LARS1: variants seen among roughly 807,000 people sequenced by gnomAD.
The protein encoded by LARS1 is leucine--tRNA ligase, cytoplasmic.
A neutral mutation model predicts 162.8 loss-of-function variants in LARS1; 100 were observed. The ratio of observed to expected loss-of-function variants is 0.61; its 90% CI spans 0.52 to 0.73. LARS1 has a LOEUF of 0.73. Among genes scored for constraint, LARS1 ranks in the 30% least tolerant of loss-of-function variants. The pLI is 0.00. For synonymous variants in LARS1, 457 were observed against 462.8 expected (o/e 0.99, Z 0.16); for missense variants, 1,258 against 1,408.9 (o/e 0.89, Z 1.71).
Position 146,130,117 on chromosome 5 carries a change from C to T in LARS1, c.2529G>A (p.Met843Ile). Residue 843 changes from methionine to isoleucine, a missense_variant, in exon 25 of 32, where the codon ATG (methionine) becomes ATA (isoleucine). Coordinates refer to ENST00000394434, the MANE Select transcript of LARS1 (RefSeq NM_020117.11). ...DKYRELAVEGMHRELVFRFIE... is the reference protein window; with the variant it reads ...DKYRELAVEGIHRELVFRFIE... ...TAAACCGGAACACAAGTTCTCTGTG[C>T]ATCCCTTCCACAGCCAATTCACGGT... 1 of 1,613,822 alleles carries T rather than the reference C, an allele frequency of 6.2e-7. No homozygotes were observed.
At position 146,122,607 on chromosome 5, in the gene LARS1, T is replaced by C; in HGVS notation, c.3097-20A>G. The C allele has an allele frequency of 7.0e-7, 1 of 1,421,352 alleles. No homozygotes were observed. The highest frequency in any genetic ancestry group is 1.8e-4 in the Middle Eastern group (1 of 5,668). 88.0% of individuals were successfully genotyped at this position (1,421,352 alleles called of 1,614,324 possible). On this transcript the variant is annotated intron_variant, in intron 29 of 31. Transcript: ENST00000394434. ...TTCTAGCTAAACAGACGGGAAAAAA[T>C]GGAAGTTATTAGTATCACTTAATGT...
chr5:146,168,941 G>C (rs921448551), intron 4 of LARS1, among the ~76,000 whole-genome samples: 5 of 151,982 alleles, frequency 3.3e-5, no homozygotes, highest in Admixed American at 2.0e-4. Flanking sequence ...GGGAGGGATA[G>C]CATTAGGAGA....
intron 13 of LARS1, 47 bp from the exon 14 acceptor site, chr5:146,152,049 C>CAG (rs752386788): frequency 1.2e-6 from 2 of 1,608,090 alleles, no homozygotes; most frequent in African/African-American, 2.7e-5. Flanking sequence ...ACTGGACACA[C>CAG]AGCTCTGTAG....
At chr5:146,152,244 C>T (rs1168353686) in intron 13 of LARS1, among the ~76,000 whole-genome samples, 1 of 152,144 alleles carries the variant, frequency 6.6e-6, no homozygotes, top group Non-Finnish European at 1.5e-5. Context: ...TCCCCCACCA[C>T]ACACACCTTT....
intron 22 of LARS1, 73 bp downstream of exon 22, chr5:146,135,528 C>T (rs1435237691): frequency 1.8e-6 from 2 of 1,114,960 alleles, no homozygotes; most frequent in Non-Finnish European, 2.6e-6. Context: ...AATTAAAACA[C>T]CAATTTTAAC....
chr5:146,177,996 G>A (rs1754674952), intron 1 of LARS1, among the ~76,000 whole-genome samples: 1 of 152,018 alleles, frequency 6.6e-6, no homozygotes, highest in Non-Finnish European at 1.5e-5. Flanking sequence ...AACTCAGGAG[G>A]CTGAGGCAGG....
intron 10 of LARS1, among the ~76,000 whole-genome samples, chr5:146,156,522 T>C (rs1196354645): frequency 6.6e-6 from 1 of 151,860 alleles, no homozygotes; most frequent in African/African-American, 2.4e-5. Context: ...GATGAAACCC[T>C]GTCTCTACTA....
At position 146,149,622 on chromosome 5, in the gene LARS1, A is replaced by G. The variant is rs538619063; in HGVS notation, c.1503T>C (p.Ala501=). 3 of 1,607,832 alleles carry G rather than the reference A, an allele frequency of 1.9e-6. No homozygotes were observed. The highest frequency in any genetic ancestry group is 1.3e-5 in the African/African-American group (1 of 74,910). ...CTTCAGAGCATAGCCTATCACATACAGCGTCAATCATCTTTTTCTGAATAG... is the reference window on the plus strand; with the variant it reads ...CTTCAGAGCATAGCCTATCACATACGGCGTCAATCATCTTTTTCTGAATAG... ...KKTIQKKMID[A]GDALIYMEPE... Residue 501 remains alanine (A), a splice_region_variant and synonymous_variant, in exon 15 of 32, where the codon GCT becomes GCC. Transcript: ENST00000394434.
chr5:146,147,126 C>G (rs1753046538), intron 15 of LARS1, among the ~76,000 whole-genome samples: 1 of 152,160 alleles, frequency 6.6e-6, no homozygotes, highest in African/African-American at 2.4e-5. Flanking sequence ...CCAAATGGCC[C>G]TTTCTAGATC....
Position 146,133,018 on chromosome 5 carries a change from A to G in LARS1, c.2276T>C (p.Met759Thr). ...TVEDANFVEA[M>T]ADAGILRLYT... ...CAGACGGAGAATACCTGCATCTGCC[A>G]TGGCTTCCACAAAGTTGGCATCTTC... The change falls in exon 23 of 32, where the codon ATG becomes ACG. Residue 759 changes from methionine to threonine, a missense_variant. Coordinates refer to ENST00000394434, the MANE Select transcript of LARS1 (RefSeq NM_020117.11). 6.2e-7 allele frequency: 1 copy of G among 1,614,142 alleles called. No homozygotes were observed.
chr5:146,175,642 A>G (rs1754526965), intron 2 of LARS1, among the ~76,000 whole-genome samples: 1 of 151,916 alleles, frequency 6.6e-6, no homozygotes, highest in African/African-American at 2.4e-5. Context: ...GATCGAGACC[A>G]CAATGCAACC....
chr5:146,173,030 T>C (rs1754347140), intron 2 of LARS1, among the ~76,000 whole-genome samples: 1 of 152,146 alleles, frequency 6.6e-6, no homozygotes. Flanking sequence ...AGAGGTTTAA[T>C]TTGAGCTAAA....
chr5:146,156,979 T>C (rs1753557491), intron 10 of LARS1, among the ~76,000 whole-genome samples: 1 of 152,132 alleles, frequency 6.6e-6, no homozygotes, highest in African/African-American at 2.4e-5. Context: ...ACAATGAATA[T>C]TACACAACAA....
At chr5:146,120,281 GCAAGC>G in intron 31 of LARS1, 85 bp downstream of exon 31, 1 of 1,372,320 alleles carries the variant, frequency 7.3e-7, no homozygotes. Flanking sequence ...CTGTCCATAA[GCAAGC>G]CGGTTTCTTT....
intron 31 of LARS1, among the ~76,000 whole-genome samples, chr5:146,118,185 A>C (rs942924181): frequency 2.0e-5 from 3 of 152,244 alleles, no homozygotes; most frequent in African/African-American, 7.2e-5. Flanking sequence ...GCAGACATAA[A>C]AAAGAATGAA....
At chr5:146,134,114 G>A (rs1028689730) in intron 22 of LARS1, among the ~76,000 whole-genome samples, 2 of 152,132 alleles carry the variant, frequency 1.3e-5, no homozygotes, top group African/African-American at 2.4e-5. Flanking sequence ...AAAGTGCTGG[G>A]ATTACAAGTG....
rs1764079354 is a variant in LARS1, at chr5:146,113,803, ATAC to A, written c.*300_*302del. Reference sequence around the variant, plus strand: ...ATAAAGTACACCTCATAAAAGAAGCATACTGACACTTTTATGTTCATCTTAAAA... The same window carrying A: ...ATAAAGTACACCTCATAAAAGAAGCATGACACTTTTATGTTCATCTTAAAA... On this transcript the variant is annotated 3_prime_UTR_variant, in exon 32 of 32. Transcript: ENST00000394434. The A allele has an allele frequency of 3.1e-6, 1 of 327,558 alleles. No homozygotes were observed. The highest frequency in any genetic ancestry group is 5.7e-6 in the Non-Finnish European group (1 of 176,846). The allele number at this position is 327,558 out of a possible 1,614,324, so 20.3% of individuals were successfully genotyped here.
Position 146,168,261 on chromosome 5 carries a change from CA to C in LARS1, c.298del (p.Cys100ValfsTer5). The C allele has an allele frequency of 6.2e-7, 1 of 1,607,186 alleles. No individual in the cohort carries two copies. The highest frequency in any genetic ancestry group is 8.5e-7 in the Non-Finnish European group (1 of 1,178,310). ...LHCTGMPIKA[C>X]ADKLKREIEL... ...TATTTCTCTTTTCAACTTATCAGCACATGCCTACAACGAATATTAGAGATAA... is the reference window on the plus strand; with the variant it reads ...TATTTCTCTTTTCAACTTATCAGCACTGCCTACAACGAATATTAGAGATAA... On this transcript the variant is annotated frameshift_variant, in exon 5 of 32. Transcript: ENST00000394434. LOFTEE classifies it high-confidence loss of function.
In LARS1 at chr5:146,153,154, T is replaced by C; in HGVS notation, c.1284+20A>G. The stretch of plus-strand genomic sequence containing the variant: ...GATAAAGAGATGGATGTGAATATTC[T>C]GAATTATCTATGTACTCACCGGCTC... On this transcript the variant is annotated intron_variant, in intron 13 of 31. Transcript: ENST00000394434. The C allele has an allele frequency of 6.3e-7, 1 of 1,581,976 alleles. No individual in the cohort carries two copies. The highest frequency in any genetic ancestry group is 8.7e-7 in the Non-Finnish European group (1 of 1,153,192).
Sources: allele counts gnomAD v4.1 joint callset (sites outside exome capture counted in the v4.1 genomes callset), GRCh38; gene constraint gnomAD v4.1.1; transcripts MANE v1.5; gene names NCBI Gene and HGNC (gene_info 2026-07-23, HGNC 2026-07-21).